The following CACNA2D3 variants were observed in gnomAD, a reference collection of about 807,000 sequenced individuals.
CACNA2D3 encodes voltage-dependent calcium channel subunit alpha-2/delta-3.
Under a neutral mutation model 160.6 loss-of-function variants are expected in CACNA2D3, and 60 were observed. The observed-to-expected ratio is 0.37, with a 90% confidence interval of 0.30 to 0.46. The LOEUF (loss-of-function observed/expected upper bound fraction) is 0.46. Ranked by LOEUF, CACNA2D3 falls within the 20% of genes least tolerant of loss-of-function variation. The pLI, the probability that CACNA2D3 is intolerant of heterozygous loss-of-function variation, is 1.00. For synonymous variants in CACNA2D3, 558 were observed against 492.9 expected, an observed-to-expected ratio of 1.13 and a Z score of -1.75; for missense variants, 1,205 against 1,365.0, an observed-to-expected ratio of 0.88 and a Z score of 1.85.
intron 2 of CACNA2D3, among the ~76,000 whole-genome samples, chr3:54,138,080 T>C (rs1476394550): frequency 1.3e-5 from 2 of 152,222 alleles, no homozygotes; most frequent in African/African-American, 4.8e-5. Flanking sequence ...GGTGCTCTGA[T>C]GGCATCATTT....
chr3:55,048,731 C>G (rs1267383096), intron 35 of CACNA2D3, among the ~76,000 whole-genome samples: 1 of 139,376 alleles, frequency 7.2e-6, no homozygotes, highest in Admixed American at 6.9e-5. Flanking sequence ...CCATCTGGTC[C>G]TGGACTCTTT....
intron 2 of CACNA2D3, among the ~76,000 whole-genome samples, chr3:54,295,153 G>A (rs1039562389): frequency 1.3e-5 from 2 of 152,164 alleles, no homozygotes; most frequent in African/African-American, 2.4e-5. Flanking sequence ...GAGGTGTAGC[G>A]AGAGCTATGC....
At chr3:54,391,714 T>C (rs554066483) in intron 4 of CACNA2D3, among the ~76,000 whole-genome samples, 1 of 152,216 alleles carries the variant, frequency 6.6e-6, no homozygotes, top group South Asian at 2.1e-4. Flanking sequence ...TTTCACCATG[T>C]TGGTTAGGCT....
intron 25 of CACNA2D3, among the ~76,000 whole-genome samples, chr3:54,893,493 C>A (rs1409466496): frequency 6.6e-6 from 1 of 152,102 alleles, no homozygotes; most frequent in Non-Finnish European, 1.5e-5. Context: ...TGCCTATCCC[C>A]TCCCATCAAA....
chr3:54,735,864 A>G (rs1701486540), intron 11 of CACNA2D3, among the ~76,000 whole-genome samples: 7 of 150,128 alleles, frequency 4.7e-5, no homozygotes, highest in East Asian at 2.0e-4. Context: ...GAAAATTTGG[A>G]AAAAAAATAA....
At chr3:54,738,367 A>T (rs1322797063) in intron 11 of CACNA2D3, among the ~76,000 whole-genome samples, 1 of 152,186 alleles carries the variant, frequency 6.6e-6, no homozygotes, top group Non-Finnish European at 1.5e-5. Flanking sequence ...AGATTGCAGA[A>T]CTTCCTGCAG....
In CACNA2D3 at chr3:55,004,065, T is replaced by A. The variant is rs567592892; in HGVS notation, c.2691-698T>A. 4.6e-4 allele frequency among the ~76,000 whole-genome samples: 70 copies of A among 152,326 alleles called. 2 individuals are homozygous for A. In the South Asian group the frequency reaches 0.014, roughly 31 times the overall value. On this transcript the variant is annotated intron_variant, in intron 31 of 37. Coordinates refer to ENST00000474759, the MANE Select transcript of CACNA2D3 (RefSeq NM_018398.3). ...GATGGGGGAATTAAAATACATTGAA[T>A]AATGTTAAAGTAAAACATTTTTGCA... is the stretch of plus-strand genomic sequence containing the variant.
At position 54,534,543 on chromosome 3, in the gene CACNA2D3, C is replaced by G. The variant is rs76066079; in HGVS notation, c.545-28257C>G. Among the ~76,000 whole-genome samples, 1,222 of 152,116 alleles carry G rather than the reference C, an allele frequency of 8.0e-3. 13 individuals carry two copies. The highest frequency in any genetic ancestry group is 0.025 in the African/African-American group (1,034 of 41,470). On this transcript the variant is annotated intron_variant, in intron 5 of 37. Transcript: ENST00000474759. ...TTCCCGCTGTAATGGTATATGGCCT[C>G]TCTCTCTTCATTCGTTCACTCCATT...
intron 2 of CACNA2D3, among the ~76,000 whole-genome samples, chr3:54,180,624 C>A (rs1000447356): frequency 1.3e-5 from 2 of 152,176 alleles, no homozygotes; most frequent in African/African-American, 4.8e-5. Context: ...CAGCCCCAAT[C>A]ATTGTTGGTA....
intron 3 of CACNA2D3, among the ~76,000 whole-genome samples, chr3:54,367,127 A>G (rs1698840045): frequency 6.6e-6 from 1 of 152,218 alleles, no homozygotes; most frequent in Non-Finnish European, 1.5e-5. Context: ...TAATTCTCTT[A>G]GTACCAGCTT....
intron 23 of CACNA2D3, among the ~76,000 whole-genome samples, chr3:54,887,280 G>A (rs751495196): frequency 2.0e-4 from 30 of 151,998 alleles, no homozygotes; most frequent in Non-Finnish European, 3.2e-4. Context: ...ACAAAAATTA[G>A]CCAGGTGGTA....
At chr3:54,344,944 C>G (rs578008448) in intron 3 of CACNA2D3, among the ~76,000 whole-genome samples, 1 of 152,172 alleles carries the variant, frequency 6.6e-6, no homozygotes, top group African/African-American at 2.4e-5. Flanking sequence ...AAAATGGCCA[C>G]GGGAGTGACC....
At chr3:54,644,318 C>G (rs1699589645) in intron 11 of CACNA2D3, among the ~76,000 whole-genome samples, 1 of 152,018 alleles carries the variant, frequency 6.6e-6, no homozygotes, top group Non-Finnish European at 1.5e-5. Context: ...AGTGGATTTT[C>G]TTTCTGTAGC....
intron 13 of CACNA2D3, among the ~76,000 whole-genome samples, chr3:54,794,605 A>ATTT (rs199707593): frequency 2.1e-5 from 3 of 140,832 alleles, no homozygotes; most frequent in African/African-American, 7.8e-5. Context: ...TCTCAGATAT[A>ATTT]TTTTTTTTTT....
At chr3:54,693,474 A>G (rs1167940207) in intron 11 of CACNA2D3, among the ~76,000 whole-genome samples, 1 of 152,250 alleles carries the variant, frequency 6.6e-6, no homozygotes, top group Non-Finnish European at 1.5e-5. Flanking sequence ...GTACAGTACA[A>G]AATACTTGAT....
At chr3:54,929,543 C>T (rs1360093864) in intron 27 of CACNA2D3, among the ~76,000 whole-genome samples, 3 of 152,166 alleles carry the variant, frequency 2.0e-5, no homozygotes, top group Non-Finnish European at 2.9e-5. Flanking sequence ...TGGCCAAGCC[C>T]CTTGTCACCC....
chr3:54,301,051 A>G (rs1327954860), intron 2 of CACNA2D3, among the ~76,000 whole-genome samples: 1 of 151,466 alleles, frequency 6.6e-6, no homozygotes, highest in Admixed American at 6.6e-5. Flanking sequence ...AAAATAAAGG[A>G]TAAGTTAAGC....
At position 54,736,031 on chromosome 3, in the gene CACNA2D3, A is replaced by ATGTATATATATATACATACATATATG. The variant is rs1553814019; in HGVS notation, c.1168-16567_1168-16566insGTATATATATATACATACATATATGT. ...TGTATATATATACACATACATATAT[A>ATGTATATATATATACATACATATATG]TATGTATATATATACACATACATAT... On this transcript the variant is annotated intron_variant, in intron 11 of 37. Coordinates refer to ENST00000474759, the MANE Select transcript of CACNA2D3 (RefSeq NM_018398.3). 3.2e-5 allele frequency among the ~76,000 whole-genome samples: 2 copies of ATGTATATATATATACATACATATATG among 61,710 alleles called. 1 individual carries two copies. Among genetic ancestry groups the ATGTATATATATATACATACATATATG allele is most frequent in the Non-Finnish European group, 6.7e-5 (2 of 30,058 alleles). 40.5% of individuals were successfully genotyped at this position (61,710 alleles called of 152,430 possible). A position where few individuals can be genotyped will look rare whatever the true frequency, so the allele number is the denominator to read the frequency against.
intron 17 of CACNA2D3, among the ~76,000 whole-genome samples, chr3:54,847,839 T>C (rs778385770): frequency 3.3e-5 from 5 of 152,102 alleles, no homozygotes; most frequent in Non-Finnish European, 2.9e-5. Context: ...GTTGGCATCA[T>C]TTGTTGGAAG....
Sources: allele counts gnomAD v4.1 joint callset (sites outside exome capture counted in the v4.1 genomes callset), GRCh38; gene constraint gnomAD v4.1.1; transcripts MANE v1.5; gene names NCBI Gene and HGNC (gene_info 2026-07-23, HGNC 2026-07-21).